The following CELF2 variants were observed in gnomAD, a reference collection of about 807,000 sequenced individuals.
CELF2 encodes CUGBP Elav-like family member 2, also known as CUG triplet repeat RNA-binding protein 2.
In CELF2, 8 loss-of-function variants were observed where a neutral mutation model predicts 62.6. The ratio of observed to expected loss-of-function variants is 0.13; its 90% confidence interval spans 0.07 to 0.23. CELF2 has a LOEUF of 0.23. Ranked by LOEUF, CELF2 falls within the 10% of genes least tolerant of loss-of-function variation. The pLI, the probability that CELF2 is intolerant of heterozygous loss-of-function variation, is 1.00. For synonymous variants in CELF2, 258 were observed against 250.0 expected, an observed-to-expected ratio of 1.03 and a Z score of -0.30; for missense variants, 333 against 671.0, an observed-to-expected ratio of 0.50 and a Z score of 5.56.
rs28677866 is a variant in CELF2 at position 10,832,273 on chromosome 10, A to T, written c.53+33456A>T. Among the ~76,000 whole-genome samples the T allele has an allele frequency of 8.0e-4, 121 of 151,048 alleles. 1 individual carries two copies. The highest frequency in any genetic ancestry group is 3.4e-3 in the Middle Eastern group (1 of 292). On this transcript the variant is annotated intron_variant, in intron 1 of 13. Transcript: ENST00000636488. ...ACAGAGCGAGACTCCATCTAAAAAA[A>T]AAAAATAAAAATAAATAAATAAATA...
At chr10:11,053,136 A>G (rs904066243) in intron 1 of CELF2, among the ~76,000 whole-genome samples, 8 of 152,248 alleles carry the variant, frequency 5.3e-5, no homozygotes, top group African/African-American at 1.7e-4. Flanking sequence ...CAATTCATCT[A>G]TGCCTTTGAA....
intron 2 of CELF2, among the ~76,000 whole-genome samples, chr10:11,173,087 A>G (rs1007521401): frequency 7.4e-5 from 11 of 149,110 alleles, no homozygotes; most frequent in East Asian, 5.9e-4. Context: ...CTGCCTGTCT[A>G]GAAGCCTCAC....
At chr10:10,739,984 C>T in the CELF2 span, among the ~76,000 whole-genome samples, 1 of 151,990 alleles carries the variant, frequency 6.6e-6, no homozygotes, top group Non-Finnish European at 1.5e-5. Flanking sequence ...TGCTATTTAG[C>T]TGTGTGAGTT....
chr10:10,859,069 T>C (rs116621355), intron 1 of CELF2, among the ~76,000 whole-genome samples: 1,553 of 152,304 alleles, frequency 0.01, 25 homozygotes, highest in African/African-American at 0.036. Context: ...TAGTAGCTAC[T>C]GTAAGAACTA....
the CELF2 span, among the ~76,000 whole-genome samples, chr10:10,636,123 C>G: frequency 2.0e-5 from 3 of 152,090 alleles, no homozygotes; most frequent in African/African-American, 7.2e-5. Context: ...GCCATTTAGT[C>G]AAAGGTTTTT....
chr10:11,068,958 C>T (rs1228117548), intron 1 of CELF2, among the ~76,000 whole-genome samples: 1 of 152,156 alleles, frequency 6.6e-6, no homozygotes, highest in Non-Finnish European at 1.5e-5. Flanking sequence ...GTTGTGACGT[C>T]TTAGTGGTCT....
intron 11 of CELF2, among the ~76,000 whole-genome samples, chr10:11,325,330 T>G (rs749406605): frequency 1.3e-5 from 2 of 152,226 alleles, no homozygotes; most frequent in Non-Finnish European, 2.9e-5. Flanking sequence ...GTTAAGAGAT[T>G]TGGCAAATCA....
At chr10:11,082,853 A>G (rs2074386424) in intron 1 of CELF2, among the ~76,000 whole-genome samples, 1 of 152,204 alleles carries the variant, frequency 6.6e-6, no homozygotes, top group African/African-American at 2.4e-5. Flanking sequence ...GCTGCCTTCG[A>G]GCAAAATGGT....
chr10:10,741,216 T>C, the CELF2 span, among the ~76,000 whole-genome samples: 6 of 151,994 alleles, frequency 3.9e-5, no homozygotes, highest in East Asian at 7.8e-4. Flanking sequence ...TAAAATCAAC[T>C]TTGTAAAAAA....
At chr10:10,842,326 T>A (rs2058735200) in intron 1 of CELF2, among the ~76,000 whole-genome samples, 1 of 152,104 alleles carries the variant, frequency 6.6e-6, no homozygotes, top group African/African-American at 2.4e-5. Context: ...TCCAGTATGA[T>A]GCTGAATCAG....
At chr10:11,208,222 G>A (rs564528186) in intron 2 of CELF2, among the ~76,000 whole-genome samples, 1 of 152,160 alleles carries the variant, frequency 6.6e-6, no homozygotes, top group African/African-American at 2.4e-5. Flanking sequence ...CTAGTGTAGG[G>A]ACCAAGAGAA....
the CELF2 span, among the ~76,000 whole-genome samples, chr10:10,563,089 G>A: frequency 6.6e-6 from 1 of 152,048 alleles, no homozygotes; most frequent in Non-Finnish European, 1.5e-5. Flanking sequence ...TCCTAGCCCC[G>A]TGAATGCCAT....
the CELF2 span, among the ~76,000 whole-genome samples, chr10:10,622,763 T>C: frequency 6.6e-6 from 1 of 151,978 alleles, no homozygotes; most frequent in East Asian, 1.9e-4. Context: ...GGATGTGTGA[T>C]TGTGGACCTG....
chr10:11,196,607 T>C (rs1017241520), intron 2 of CELF2, among the ~76,000 whole-genome samples: 6 of 151,836 alleles, frequency 4.0e-5, no homozygotes, highest in African/African-American at 1.5e-4. Context: ...TTTGTGGTTA[T>C]ACTGCACTCC....
chr10:10,844,157 CTG>C lies in CELF2; in HGVS notation c.53+45342_53+45343del, dbSNP rs200305681. On this transcript the variant is annotated intron_variant, in intron 1 of 13. Coordinates refer to the CELF2 transcript ENST00000636488. ...TTTTTTCCTCACAAATAGAGCTTAT[CTG>C]TTAAATAAGACCTAATTTGTGACCT... Among the ~76,000 whole-genome samples, 394 of 152,038 alleles carry C rather than the reference CTG, an allele frequency of 2.6e-3. 5 individuals are homozygous for C. In the East Asian group the frequency reaches 0.027, roughly 11 times the overall value.
chr10:10,510,421 C>T, the CELF2 span, among the ~76,000 whole-genome samples: 8 of 152,258 alleles, frequency 5.3e-5, no homozygotes, highest in East Asian at 3.9e-4. Flanking sequence ...AACTGAACAG[C>T]GGGGGAATGA....
At chr10:11,281,792 C>T (rs866863030) in intron 8 of CELF2, among the ~76,000 whole-genome samples, 1 of 152,164 alleles carries the variant, frequency 6.6e-6, no homozygotes, top group Non-Finnish European at 1.5e-5. Context: ...GAGAGCAAAA[C>T]GTAGTACATA....
intron 2 of CELF2, among the ~76,000 whole-genome samples, chr10:11,180,026 T>C (rs1293374459): frequency 6.6e-6 from 1 of 152,146 alleles, no homozygotes. Flanking sequence ...GAGGTGTTTC[T>C]AATGTGAGGT....
chr10:11,045,462 T>C (rs765382878), intron 1 of CELF2, among the ~76,000 whole-genome samples: 11 of 152,218 alleles, frequency 7.2e-5, no homozygotes, highest in Non-Finnish European at 1.6e-4. Context: ...TCAGTGTCCT[T>C]ACCTGTAAAA....
Sources: allele counts gnomAD v4.1 joint callset (sites outside exome capture counted in the v4.1 genomes callset), GRCh38; gene constraint gnomAD v4.1.1; transcripts MANE v1.5; gene names NCBI Gene and HGNC (gene_info 2026-07-23, HGNC 2026-07-21).